ZNF532: variants seen among roughly 807,000 people sequenced by gnomAD.
ZNF532 encodes zinc finger protein 532.
A neutral mutation model predicts 89.3 loss-of-function variants in ZNF532; 22 were observed. The ratio of observed to expected loss-of-function variants is 0.25; its 90% CI spans 0.18 to 0.35. The LOEUF (loss-of-function observed/expected upper bound fraction) is 0.35, where lower values mean the gene tolerates loss of function less well. ZNF532 is among the 10% of genes least tolerant of loss of function. The pLI is 1.00. For missense variants in ZNF532, 1,132 were observed against 1,643.4 expected (o/e 0.69, Z 5.38); for synonymous variants, 606 against 649.6 (o/e 0.93, Z 1.02).
intron 2 of ZNF532, among the ~76,000 whole-genome samples, chr18:58,915,514 G>T (rs1184249344): frequency 6.6e-6 from 1 of 152,214 alleles, no homozygotes; most frequent in African/African-American, 2.4e-5. Context: ...AGGCATGGGA[G>T]TTCCTCTCTG....
At chr18:58,884,011 T>A (rs2058106000) in intron 2 of ZNF532, among the ~76,000 whole-genome samples, 1 of 149,344 alleles carries the variant, frequency 6.7e-6, no homozygotes, top group Non-Finnish European at 1.5e-5. Flanking sequence ...ACTAGTTTTC[T>A]CTTCCATGTT....
rs1008864763 is a variant in ZNF532, at chr18:58,868,810, G to A, written c.-18+3231G>A. ...TTTTTGCTAAATGCAGTCACGTGTC[G>A]ATTAATGCAGGGGTACATTCTGAGA... On this transcript the variant is annotated intron_variant, in intron 2 of 9. Transcript: ENST00000591808. 5.9e-5 allele frequency among the ~76,000 whole-genome samples: 9 copies of A among 152,142 alleles called. 1 individual carries two copies. In the East Asian group the frequency reaches 7.7e-4, roughly 13 times the overall value.
intron 7 of ZNF532, among the ~76,000 whole-genome samples, chr18:58,963,917 C>G (rs908958368): frequency 2.0e-5 from 3 of 152,128 alleles, no homozygotes; most frequent in Non-Finnish European, 2.9e-5. Flanking sequence ...TAATTGCCCC[C>G]CTTAATCTCC....
chr18:58,971,395 A>G (rs777223896), intron 7 of ZNF532, among the ~76,000 whole-genome samples: 19 of 152,228 alleles, frequency 1.2e-4, no homozygotes, highest in Non-Finnish European at 1.6e-4. Context: ...ATTGAATGTG[A>G]AACAGTGGTC....
chr18:58,875,792 C>A (rs973389887), intron 2 of ZNF532, among the ~76,000 whole-genome samples: 1 of 152,096 alleles, frequency 6.6e-6, no homozygotes, highest in African/African-American at 2.4e-5. Flanking sequence ...CTTTGAAATT[C>A]TTTTCTGTTT....
intron 7 of ZNF532, among the ~76,000 whole-genome samples, chr18:58,973,459 A>G (rs1177977737): frequency 2.6e-5 from 4 of 152,218 alleles, no homozygotes; most frequent in South Asian, 2.1e-4. Context: ...TAAAACCACA[A>G]CAAAATACTA....
At chr18:58,886,489 A>C (rs1050555911) in intron 2 of ZNF532, among the ~76,000 whole-genome samples, 2 of 152,180 alleles carry the variant, frequency 1.3e-5, no homozygotes, top group African/African-American at 4.8e-5. Flanking sequence ...TCCATAAAAA[A>C]GGAATGTGCC....
rs2068321198 is a variant in ZNF532 at position 58,985,677 on chromosome 18, A to G, written c.*1211A>G. Reference sequence around the variant, plus strand: ...GTACTCTTCTGTCCCTTCCGTTTATAGTTCTCTGAGAGAGTTCTATTTTTT... The same window carrying G: ...GTACTCTTCTGTCCCTTCCGTTTATGGTTCTCTGAGAGAGTTCTATTTTTT... On this transcript the variant is annotated 3_prime_UTR_variant, in exon 10 of 10. Transcript: ENST00000591808. 1 of 150,720 alleles carries G rather than the reference A, an allele frequency of 6.6e-6. No individual in the cohort carries two copies. Among genetic ancestry groups the G allele is most frequent in the Non-Finnish European group, 1.5e-5 (1 of 67,734 alleles). 9.3% of individuals were successfully genotyped at this position (150,720 alleles called of 1,614,324 possible).
chr18:58,943,791 G>C (rs1229859000), intron 5 of ZNF532, among the ~76,000 whole-genome samples: 2 of 152,106 alleles, frequency 1.3e-5, no homozygotes, highest in Non-Finnish European at 2.9e-5. Context: ...TTTTGTGTCT[G>C]CTTCTATTTT....
chr18:58,897,405 C>A (rs1035925533), intron 2 of ZNF532, among the ~76,000 whole-genome samples: 4 of 152,120 alleles, frequency 2.6e-5, no homozygotes, highest in Non-Finnish European at 5.9e-5. Flanking sequence ...CACATATACA[C>A]GAAACCTGAT....
chr18:58,939,363 G>A (rs1307927947), intron 4 of ZNF532, 82 bp from the exon 5 acceptor site: 1 of 1,172,150 alleles, frequency 8.5e-7, no homozygotes, highest in Admixed American at 2.5e-5. Flanking sequence ...GGCTATGAAA[G>A]TGTGTTCATC....
chr18:58,974,266 G>A (rs2066798304), intron 7 of ZNF532, among the ~76,000 whole-genome samples: 1 of 152,116 alleles, frequency 6.6e-6, no homozygotes, highest in Admixed American at 6.6e-5. Context: ...TAGCATATAT[G>A]CATATATTCT....
At chr18:58,892,034 T>C (rs534366311) in intron 2 of ZNF532, among the ~76,000 whole-genome samples, 1 of 152,364 alleles carries the variant, frequency 6.6e-6, no homozygotes, top group East Asian at 1.9e-4. Context: ...TCTTGATGGA[T>C]AGAGTGACAG....
At chr18:58,866,355 T>C (rs1448544410) in intron 2 of ZNF532, among the ~76,000 whole-genome samples, 1 of 151,572 alleles carries the variant, frequency 6.6e-6, no homozygotes. Context: ...AAGGAAGGAG[T>C]GAGGAGAGTA....
chr18:58,871,389 G>A (rs1407431924), intron 2 of ZNF532, among the ~76,000 whole-genome samples: 3 of 152,280 alleles, frequency 2.0e-5, no homozygotes, highest in Non-Finnish European at 4.4e-5. Context: ...CACCGCAGCA[G>A]CTATTATGTT....
chr18:58,962,347 C>A (rs554976317), intron 7 of ZNF532, among the ~76,000 whole-genome samples: 1 of 152,292 alleles, frequency 6.6e-6, no homozygotes, highest in Non-Finnish European at 1.5e-5. Context: ...ATATTTTAAA[C>A]CAGTCACAGT....
Position 58,953,720 on chromosome 18 carries a change from G to A in ZNF532, c.3071G>A (p.Gly1024Glu). 6.2e-7 allele frequency: 1 copy of A among 1,614,062 alleles called. No homozygotes were observed. Among genetic ancestry groups the A allele is most frequent in the Non-Finnish European group, 8.5e-7 (1 of 1,179,956 alleles). Reference protein sequence around the residue: ...SMETKKVASPGWTCWECDCLF... With the variant: ...SMETKKVASPEWTCWECDCLF... ...GAAACCAAGAAAGTGGCCAGTCCTGGGTGGACGTGTTGGGAGTGTGACTGC... is the reference window on the plus strand; with the variant it reads ...GAAACCAAGAAAGTGGCCAGTCCTGAGTGGACGTGTTGGGAGTGTGACTGC... Residue 1024 changes from glycine to glutamate, a missense_variant, in exon 7 of 10, where the codon GGG (glycine) becomes GAG (glutamate). By Grantham distance (98) the Gly-to-Glu change is moderately conservative (BLOSUM62 -2). This residue lies in a region of ZNF532 where 415 missense variants were observed against 604.8 expected (regional missense o/e 0.69). Transcript: ENST00000591808.
chr18:58,974,364 A>G (rs2066809802), intron 7 of ZNF532, among the ~76,000 whole-genome samples: 1 of 152,176 alleles, frequency 6.6e-6, no homozygotes, highest in Admixed American at 6.5e-5. Context: ...TTTTCGTATC[A>G]GTGCATTGAG....
intron 3 of ZNF532, among the ~76,000 whole-genome samples, chr18:58,924,916 G>A (rs2061408607): frequency 6.6e-6 from 1 of 152,062 alleles, no homozygotes; most frequent in Non-Finnish European, 1.5e-5. Flanking sequence ...TTTTCACTCA[G>A]CATAATTCCC....
Sources: gnomAD v4.1 joint callset for allele counts (sites outside exome capture counted in the v4.1 genomes callset) on GRCh38, gnomAD v4.1.1 for gene constraint, gnomAD v4.1.1 regional missense constraint, MANE v1.5 for transcripts, NCBI Gene and HGNC (gene_info 2026-07-23, HGNC 2026-07-21) for gene names.